REDIC1: variants seen among roughly 807,000 people sequenced by gnomAD.
REDIC1 encodes HEI10 Interacting Protein 1.
At chr12:39,768,050 G>T in the REDIC1 span, among the ~76,000 whole-genome samples, 1 of 152,096 alleles carries the variant, frequency 6.6e-6, no homozygotes, top group Admixed American at 6.6e-5. Context: ...TTAGGTAGAT[G>T]TTCTGGATAA....
chr12:39,713,516 G>C, the REDIC1 span, among the ~76,000 whole-genome samples: 2 of 148,832 alleles, frequency 1.3e-5, no homozygotes, highest in African/African-American at 4.9e-5. Flanking sequence ...GTATACATGC[G>C]TGCATACATG....
At chr12:39,861,345 C>A in the REDIC1 span, among the ~76,000 whole-genome samples, 1 of 152,214 alleles carries the variant, frequency 6.6e-6, no homozygotes, top group African/African-American at 2.4e-5. Context: ...GGTAGGTGAT[C>A]CATAATATAT....
the REDIC1 span, among the ~76,000 whole-genome samples, chr12:39,747,759 T>G: frequency 1.9e-3 from 295 of 152,050 alleles, no homozygotes; most frequent in Non-Finnish European, 2.8e-3. Context: ...CAGAAGAGAG[T>G]GGGGGCCAAT....
At chr12:39,801,657 C>T in the REDIC1 span, among the ~76,000 whole-genome samples, 1 of 152,294 alleles carries the variant, frequency 6.6e-6, no homozygotes, top group South Asian at 2.1e-4. Flanking sequence ...ACTTATTTTT[C>T]TTTTCCTAGC....
At chr12:39,838,232 G>C in the REDIC1 span, among the ~76,000 whole-genome samples, 1 of 150,900 alleles carries the variant, frequency 6.6e-6, no homozygotes, top group Non-Finnish European at 1.5e-5. Flanking sequence ...TCAGTAAACT[G>C]TCGCAAGATC....
At chr12:39,641,534 G>A in the REDIC1 span, among the ~76,000 whole-genome samples, 2 of 151,686 alleles carry the variant, frequency 1.3e-5, no homozygotes, top group African/African-American at 4.8e-5. Context: ...GAGAGGGAAA[G>A]AGAACTGTCC....
the REDIC1 span, among the ~76,000 whole-genome samples, chr12:39,711,725 ATGCATGTG>A: frequency 0.037 from 498 of 13,552 alleles, 2 homozygotes; most frequent in Middle Eastern, 0.083. Flanking sequence ...GTGTATGCAC[ATGCATGTG>A]TGTATGTGTG....
At chr12:39,867,656 A>G in the REDIC1 span, among the ~76,000 whole-genome samples, 1 of 152,202 alleles carries the variant, frequency 6.6e-6, no homozygotes, top group Non-Finnish European at 1.5e-5. Context: ...AATAGGTAAA[A>G]GTTAACTCTT....
the REDIC1 span, among the ~76,000 whole-genome samples, chr12:39,789,458 A>G: frequency 6.6e-6 from 1 of 152,016 alleles, no homozygotes; most frequent in African/African-American, 2.4e-5. Context: ...ACATCCCCCT[A>G]CTCATTTCCA....
chr12:39,883,130 T>C, the REDIC1 span, among the ~76,000 whole-genome samples: 161 of 152,306 alleles, frequency 1.1e-3, 1 homozygote, highest in African/African-American at 3.6e-3. Context: ...GTTAAGTATA[T>C]ATCATTAAAT....
chr12:39,860,822 A>G, the REDIC1 span, among the ~76,000 whole-genome samples: 1 of 152,110 alleles, frequency 6.6e-6, no homozygotes, highest in Non-Finnish European at 1.5e-5. Flanking sequence ...TCTCTCTCAT[A>G]GACAACTGTA....
the REDIC1 span, among the ~76,000 whole-genome samples, chr12:39,877,825 T>C: frequency 1.7e-4 from 26 of 152,364 alleles, no homozygotes; most frequent in Non-Finnish European, 3.4e-4. Flanking sequence ...CCATCTGATA[T>C]AATTTGGATA....
the REDIC1 span, among the ~76,000 whole-genome samples, chr12:39,798,548 T>A: frequency 6.6e-6 from 1 of 152,234 alleles, no homozygotes; most frequent in Non-Finnish European, 1.5e-5. Flanking sequence ...TTATTACGCA[T>A]AAGAGCGCTT....
chr12:39,632,049 T>TTG, the REDIC1 span, among the ~76,000 whole-genome samples: 1 of 92,022 alleles, frequency 1.1e-5, no homozygotes, highest in East Asian at 2.7e-4. Context: ...ATGTGTAAAT[T>TTG]TGTATATATA....
the REDIC1 span, among the ~76,000 whole-genome samples, chr12:39,903,124 G>GA: frequency 6.6e-6 from 1 of 152,112 alleles, no homozygotes; most frequent in African/African-American, 2.4e-5. Context: ...AAACAAGGCT[G>GA]AAATCTAAAT....
chr12:39,731,235 T>C, the REDIC1 span, among the ~76,000 whole-genome samples: 2 of 152,202 alleles, frequency 1.3e-5, no homozygotes, highest in South Asian at 4.1e-4. Flanking sequence ...AGAAGAGGTG[T>C]TCTGGTTTTG....
chr12:39,804,050 G>A, the REDIC1 span, among the ~76,000 whole-genome samples: 12 of 151,892 alleles, frequency 7.9e-5, no homozygotes, highest in African/African-American at 2.9e-4. Flanking sequence ...AAGAAATAAT[G>A]AAAAAAACTG....
chr12:39,628,849 A>G, the REDIC1 span, among the ~76,000 whole-genome samples: 1 of 152,194 alleles, frequency 6.6e-6, no homozygotes, highest in East Asian at 1.9e-4. Context: ...TATGATTTAT[A>G]TACAAATATT....
At chr12:39,692,306 A>G in the REDIC1 span, 1 of 430,898 alleles carries the variant, frequency 2.3e-6, no homozygotes, top group Non-Finnish European at 3.9e-6. Flanking sequence ...ACATTAATGT[A>G]TAGGTACAGT....
Sources: allele counts gnomAD v4.1 joint callset (sites outside exome capture counted in the v4.1 genomes callset), GRCh38; gene constraint gnomAD v4.1.1; transcripts MANE v1.5; gene names NCBI Gene and HGNC (gene_info 2026-07-23, HGNC 2026-07-21).